The following CCR6 variants were observed in gnomAD, a reference collection of about 807,000 sequenced individuals.
CCR6 encodes C-C chemokine receptor type 6.
A neutral mutation model predicts 3.0 loss-of-function variants in CCR6; 2 were observed. The observed-to-expected ratio is 0.66, with a 90% CI of 0.27 to 2.07. CCR6 has a LOEUF of 2.07. Among genes scored for constraint, CCR6 ranks in the 30% most tolerant of loss-of-function variants. The probability of loss-of-function intolerance (pLI) is 0.14; values close to 1 mark genes in which losing one functional copy is unlikely to be tolerated. For synonymous variants in CCR6, 193 were observed against 184.3 expected, an observed-to-expected ratio of 1.05 and a Z score of -0.38; for missense variants, 322 against 462.8, an observed-to-expected ratio of 0.70 and a Z score of 2.79.
chr6:167,130,992 C>CCCCTACCTCCGGGACT (rs1562559675), intron 1 of CCR6, among the ~76,000 whole-genome samples: 1 of 118,208 alleles, frequency 8.5e-6, no homozygotes. Flanking sequence ...CCTCTGGACC[C>CCCCTACCTCCGGGACT]CCTCCCTTTG....
At chr6:167,117,729 T>C (rs1781523371) in intron 1 of CCR6, among the ~76,000 whole-genome samples, 1 of 152,168 alleles carries the variant, frequency 6.6e-6, no homozygotes, top group Non-Finnish European at 1.5e-5. Context: ...TTTTCTTTTT[T>C]GAGTCTCCCT....
rs145186145 is a variant in CCR6, at chr6:167,136,380, G to A, written c.150G>A (p.Pro50=). 1.2e-4 allele frequency: 193 copies of A among 1,614,110 alleles called. No individual in the cohort carries two copies. Among genetic ancestry groups the A allele is most frequent in the Middle Eastern group, 6.6e-4 (4 of 6,062 alleles). Residue 50 remains proline (P), a synonymous_variant, in exon 3 of 3, where the codon CCG becomes CCA. Coordinates refer to ENST00000341935, the MANE Select transcript of CCR6 (RefSeq NM_031409.4). The surrounding 1 kb of genome is among the most constrained non-coding windows in gnomAD (Gnocchi z 4.6). ...EVRQFSRLFV[P]IAYSLICVFG... Reference sequence around the variant, plus strand: ...GGCAGTTCTCCAGGCTATTTGTACCGATTGCCTACTCCTTGATCTGTGTCT... The same window carrying A: ...GGCAGTTCTCCAGGCTATTTGTACCAATTGCCTACTCCTTGATCTGTGTCT...
intron 1 of CCR6, chr6:167,112,052 G>GT (rs1355763093): frequency 6.6e-6 from 1 of 151,962 alleles, no homozygotes; most frequent in East Asian, 1.9e-4. Context: ...AGAAAATATT[G>GT]TATTTCTTTT....
At chr6:167,130,336 G>C (rs1781734159) in intron 1 of CCR6, among the ~76,000 whole-genome samples, 1 of 151,794 alleles carries the variant, frequency 6.6e-6, no homozygotes, top group African/African-American at 2.4e-5. Context: ...CTTATTCTCA[G>C]TTCATTAAAG....
rs755065875 is a variant in CCR6 at position 167,136,595 on chromosome 6, A to T, written c.365A>T (p.Lys122Ile). 1.9e-6 allele frequency: 3 copies of T among 1,611,824 alleles called. No homozygotes were observed. The African/African-American group carries it at 4.0e-5, about 22-fold the overall frequency. ...AGCAATGCCACGTGCAAGTTGCTAA[A>T]AGGCATCTATGCCATCAACTTTAAC... ...VFSNATCKLL[K>I]GIYAINFNCG... Residue 122 changes from lysine (K) to isoleucine (I), a missense_variant, in exon 3 of 3, where the codon AAA (lysine) becomes ATA (isoleucine). Physicochemically the swap from Lys to Ile is moderately radical, Grantham distance 102. Coordinates refer to ENST00000341935, the MANE Select transcript of CCR6 (RefSeq NM_031409.4). This position sits in a 1 kb window ranked among gnomAD's most constrained non-coding sequence, Gnocchi z 4.6.
intron 1 of CCR6, among the ~76,000 whole-genome samples, chr6:167,130,992 C>CCCCTCCCTCCGCGACT (rs1562559675): frequency 8.5e-6 from 1 of 118,208 alleles, no homozygotes; most frequent in Non-Finnish European, 1.7e-5. Flanking sequence ...CCTCTGGACC[C>CCCCTCCCTCCGCGACT]CCTCCCTTTG....
At chr6:167,132,700 C>T (rs150541745) in intron 1 of CCR6, among the ~76,000 whole-genome samples, 1 of 152,166 alleles carries the variant, frequency 6.6e-6, no homozygotes, top group Non-Finnish European at 1.5e-5. Context: ...GCCATCACGC[C>T]TGGCTAATTT....
At position 167,128,274 on chromosome 6, in the gene CCR6, A is replaced by T. The variant is rs939342490; in HGVS notation, c.-98+5051A>T. 5.9e-5 allele frequency among the ~76,000 whole-genome samples: 9 copies of T among 152,260 alleles called. No individual in the cohort carries two copies. In the East Asian group the frequency reaches 1.7e-3, roughly 29 times the overall value. On this transcript the variant is annotated intron_variant, in intron 1 of 2. Coordinates refer to ENST00000341935, the MANE Select transcript of CCR6 (RefSeq NM_031409.4). ...TGTGTCAGGGCCTGGGCAGGGGGCC[A>T]TGATTCCGCTAACCACAAGCGTGAC...
chr6:167,136,638 G>C lies in CCR6; in HGVS notation c.408G>C (p.Leu136=). 1 of 1,614,086 alleles carries C rather than the reference G, an allele frequency of 6.2e-7. No individual in the cohort carries two copies. The highest frequency in any genetic ancestry group is 1.6e-4 in the Middle Eastern group (1 of 6,062). Residue 136 remains leucine, a synonymous_variant, in exon 3 of 3, where the codon CTG becomes CTC. Coordinates refer to ENST00000341935, the MANE Select transcript of CCR6 (RefSeq NM_031409.4). The surrounding 1 kb of genome is among the most constrained non-coding windows in gnomAD (Gnocchi z 4.6). ...ACTTTAACTGCGGGATGCTGCTCCT[G>C]ACTTGCATTAGCATGGACCGGTACA... ...AINFNCGMLL[L]TCISMDRYIA...
At chr6:167,125,602 G>T (rs771693616) in intron 1 of CCR6, among the ~76,000 whole-genome samples, 7 of 152,230 alleles carry the variant, frequency 4.6e-5, no homozygotes, top group African/African-American at 1.7e-4. Flanking sequence ...TAGAGGCACC[G>T]TTGAAGGCCG....
At chr6:167,131,673 C>T (rs1288933851) in intron 1 of CCR6, 8 of 153,470 alleles carry the variant, frequency 5.2e-5, no homozygotes, top group East Asian at 1.9e-4. Flanking sequence ...CCACCGTCCC[C>T]GCCTCTGTCC....
At chr6:167,119,012 C>T (rs996193643), upstream of CCR6, among the ~76,000 whole-genome samples, 7 of 152,150 alleles carry the variant, frequency 4.6e-5, no homozygotes, top group African/African-American at 7.2e-5. Flanking sequence ...GGCCCACAGA[C>T]GTCTGTGTCT....
At chr6:167,123,893 G>A (rs544251395) in intron 1 of CCR6, among the ~76,000 whole-genome samples, 1 of 152,264 alleles carries the variant, frequency 6.6e-6, no homozygotes, top group South Asian at 2.1e-4. Context: ...GGGTGTATCA[G>A]CTGAGGTCAG....
At chr6:167,120,678 T>C (rs1227017880), upstream of CCR6, among the ~76,000 whole-genome samples, 1 of 152,236 alleles carries the variant, frequency 6.6e-6, no homozygotes, top group East Asian at 1.9e-4. Flanking sequence ...CTGGCTTTTC[T>C]TAGGAATGAA....
At chr6:167,119,654 G>A (rs532276906), upstream of CCR6, among the ~76,000 whole-genome samples, 3 of 152,258 alleles carry the variant, frequency 2.0e-5, no homozygotes, top group East Asian at 1.9e-4. Flanking sequence ...TGACATCTTC[G>A]TAAACTCCAA....
chr6:167,113,562 C>G (rs1024945252), intron 1 of CCR6, among the ~76,000 whole-genome samples: 2 of 152,220 alleles, frequency 1.3e-5, no homozygotes, highest in African/African-American at 2.4e-5. Flanking sequence ...TGAGAAAGCA[C>G]ACGTCCCCAG....
chr6:167,120,918 T>C (rs1781575284), upstream of CCR6: 1 of 152,234 alleles, frequency 6.6e-6, no homozygotes. Context: ...CAGGGTGACA[T>C]ATAATTTAGA....
chr6:167,130,627 T>G (rs1316098019), intron 1 of CCR6, among the ~76,000 whole-genome samples: 1 of 151,786 alleles, frequency 6.6e-6, no homozygotes, highest in Non-Finnish European at 1.5e-5. Flanking sequence ...GGCATACAGG[T>G]GAACCTGACA....
At chr6:167,134,839 G>A (rs1781825732) in intron 1 of CCR6, 1 of 152,272 alleles carries the variant, frequency 6.6e-6, no homozygotes, top group Non-Finnish European at 1.5e-5. Flanking sequence ...TTTTACTGGG[G>A]GACGTCCAGG....
Sources: gnomAD v4.1 joint callset for allele counts (sites outside exome capture counted in the v4.1 genomes callset) on GRCh38, gnomAD v4.1.1 for gene constraint, Gnocchi (gnomAD v3.1) non-coding constraint, MANE v1.5 for transcripts, NCBI Gene and HGNC (gene_info 2026-07-23, HGNC 2026-07-21) for gene names.